Variants in PLA2R1 observed in about 807,000 individuals in gnomAD.
PLA2R1 encodes phospholipase A2 receptor 1, also known as secretory phospholipase A2 receptor.
A neutral mutation model predicts 195.9 loss-of-function variants in PLA2R1; 158 were observed. The ratio of observed to expected loss-of-function variants is 0.81; its 90% CI spans 0.71 to 0.92. The LOEUF (loss-of-function observed/expected upper bound fraction) is 0.92, where lower values mean the gene tolerates loss of function less well. Among genes scored for constraint, PLA2R1 ranks in the 40% least tolerant of loss-of-function variants. The pLI, the probability that PLA2R1 is intolerant of heterozygous loss-of-function variation, is 0.00. For missense variants in PLA2R1, 1,626 were observed against 1,764.6 expected (o/e 0.92, Z 1.41); for synonymous variants, 586 against 598.2 (o/e 0.98, Z 0.30).
chr2:160,025,548 T>C (rs1693449867), intron 6 of PLA2R1, among the ~76,000 whole-genome samples: 1 of 138,088 alleles, frequency 7.2e-6, no homozygotes, highest in Admixed American at 7.9e-5. Context: ...AACAGTCCAT[T>C]ATAACTATGT....
intron 2 of PLA2R1, among the ~76,000 whole-genome samples, chr2:160,042,660 A>C (rs370915065): frequency 6.6e-6 from 1 of 152,180 alleles, no homozygotes; most frequent in East Asian, 1.9e-4. Flanking sequence ...CAAACCAGCA[A>C]AAGTTCCTTT....
chr2:159,983,398 C>T lies in PLA2R1; in HGVS notation c.2183+530G>A, dbSNP rs78471412. Among the ~76,000 whole-genome samples, 1,433 of 151,380 alleles carry T rather than the reference C, an allele frequency of 9.5e-3. 12 individuals carry two copies. Among genetic ancestry groups the T allele is most frequent in the Non-Finnish European group, 0.014 (951 of 67,898 alleles). On this transcript the variant is annotated intron_variant, in intron 13 of 29. Transcript: ENST00000283243. ...ATACAGATAAGGGAAAGCTTGTTTC[C>T]TCAAATGAAAACTTAGGAGGTTGGG...
intron 18 of PLA2R1, among the ~76,000 whole-genome samples, chr2:159,969,732 A>G (rs1421982188): frequency 1.3e-5 from 2 of 151,976 alleles, no homozygotes; most frequent in African/African-American, 4.8e-5. Context: ...TAGTAGAGAG[A>G]GAGTTTCTCC....
Position 159,941,486 on chromosome 2 carries a change from T to G in PLA2R1, c.*292A>C, listed in dbSNP as rs1469444108. The G allele has an allele frequency of 4.6e-6, 1 of 219,052 alleles. No individual in the cohort carries two copies. Among genetic ancestry groups the G allele is most frequent in the African/African-American group, 2.3e-5 (1 of 43,556 alleles). 13.6% of individuals were successfully genotyped at this position (219,052 alleles called of 1,614,324 possible). On this transcript the variant is annotated 3_prime_UTR_variant, in exon 30 of 30. Coordinates refer to ENST00000283243, the MANE Select transcript of PLA2R1 (RefSeq NM_007366.5). ...TTAATGCAAAAACTATTATTCGCAT[T>G]GATTTCAGAGTTTTCAATAGGGAGT...
At chr2:159,949,813 G>A (rs148326629) in intron 24 of PLA2R1, 37 bp from the exon 25 acceptor site, 6 of 1,572,148 alleles carry the variant, frequency 3.8e-6, no homozygotes, top group East Asian at 4.5e-5. Flanking sequence ...TCCTTGCCAC[G>A]ACGGCTGGCA....
At chr2:159,998,300 T>C (rs1691362720) in intron 11 of PLA2R1, among the ~76,000 whole-genome samples, 1 of 152,166 alleles carries the variant, frequency 6.6e-6, no homozygotes, top group South Asian at 2.1e-4. Flanking sequence ...AACTATGTAA[T>C]ATTTCTTTTA....
chr2:160,042,028 G>A lies in PLA2R1; in HGVS notation c.664C>T (p.Pro222Ser). The A allele has an allele frequency of 6.2e-7, 1 of 1,611,686 alleles. No homozygotes were observed. The highest frequency in any genetic ancestry group is 8.5e-7 in the Non-Finnish European group (1 of 1,177,982). ...RDEKWGFCPD[P>S]TSAEVGCDTI... ...AGAAGACAAAATTTATTCTTACTGGGATCAGGGCAAAATCCCCACTTTTCA... is the reference window on the plus strand; with the variant it reads ...AGAAGACAAAATTTATTCTTACTGGAATCAGGGCAAAATCCCCACTTTTCA... Residue 222 changes from proline (P) to serine (S), a missense_variant, in exon 3 of 30, where the codon CCC (proline) becomes TCC (serine). Transcript: ENST00000283243.
At chr2:160,017,220 C>G (rs1558936381) in intron 8 of PLA2R1, among the ~76,000 whole-genome samples, 1 of 152,134 alleles carries the variant, frequency 6.6e-6, no homozygotes, top group Non-Finnish European at 1.5e-5. Context: ...GCTCCAGAAG[C>G]ACCTGGAGGG....
At chr2:159,963,766 C>T (rs1688601467) in intron 20 of PLA2R1, among the ~76,000 whole-genome samples, 1 of 152,166 alleles carries the variant, frequency 6.6e-6, no homozygotes, top group Admixed American at 6.5e-5. Context: ...AACCCTCACA[C>T]ACGGCTAGCA....
Position 160,013,667 on chromosome 2 carries a change from CTCTCTCTT to C in PLA2R1, c.1552-300_1552-293del, listed in dbSNP as rs1240481072. On this transcript the variant is annotated intron_variant, in intron 9 of 29. Transcript: ENST00000283243. Reference sequence around the variant, plus strand: ...AAGGGCATTCATTCAAGATCTCTACCTCTCTCTTTCTCTCTCTCTCTCTCTCTCTCTCT... The same window carrying C: ...AAGGGCATTCATTCAAGATCTCTACCTCTCTCTCTCTCTCTCTCTCTCTCT... 3.2e-4 allele frequency among the ~76,000 whole-genome samples: 26 copies of C among 81,328 alleles called. 2 individuals carry two copies. In the East Asian group the frequency reaches 4.0e-3, roughly 13 times the overall value. The allele number at this position is 81,328 out of a possible 152,430, so 53.4% of individuals were successfully genotyped here. A position where few individuals can be genotyped will look rare whatever the true frequency, so the allele number is the denominator to read the frequency against.
chr2:160,001,482 A>G (rs774988329), intron 11 of PLA2R1, among the ~76,000 whole-genome samples: 3 of 152,050 alleles, frequency 2.0e-5, no homozygotes, highest in Non-Finnish European at 4.4e-5. Flanking sequence ...CACAAAAAAT[A>G]TAAGTAAACC....
chr2:159,944,928 GC>G lies in PLA2R1; in HGVS notation c.4121del (p.Gly1374AlafsTer32). ...WQLSPCQEKK[G>X]FICKMEADIH... ...TACCTGCCTCCATTTTACATATAAAGCCTTTTTTTTCTTGACACGGGGATAG... is the reference window on the plus strand; with the variant it reads ...TACCTGCCTCCATTTTACATATAAAGCTTTTTTTTCTTGACACGGGGATAG... On this transcript the variant is annotated frameshift_variant, in exon 28 of 30. Transcript: ENST00000283243. LOFTEE classifies it high-confidence loss of function. 1 of 1,612,576 alleles carries G rather than the reference GC, an allele frequency of 6.2e-7. No individual in the cohort carries two copies. Among genetic ancestry groups the G allele is most frequent in the Non-Finnish European group, 8.5e-7 (1 of 1,178,968 alleles).
At position 159,936,346 on chromosome 2, in the gene PLA2R1, T is replaced by C. The variant is rs1460679429; in HGVS notation, c.*5432A>G. On this transcript the variant is annotated 3_prime_UTR_variant, in exon 30 of 30. Coordinates refer to ENST00000283243, the MANE Select transcript of PLA2R1 (RefSeq NM_007366.5). ...GTTGTCATTTCAATTATTGTTAGTATACAATTGATCAGAACAAAATAAATA... is the reference window on the plus strand; with the variant it reads ...GTTGTCATTTCAATTATTGTTAGTACACAATTGATCAGAACAAAATAAATA... 6.6e-6 allele frequency: 1 copy of C among 152,200 alleles called. No individual in the cohort carries two copies. Among genetic ancestry groups the C allele is most frequent in the Non-Finnish European group, 1.5e-5 (1 of 68,024 alleles). The allele number at this position is 152,200 out of a possible 1,614,324, so 9.4% of individuals were successfully genotyped here.
chr2:160,059,594 A>AC (rs1695817020), intron 1 of PLA2R1, among the ~76,000 whole-genome samples: 1 of 152,138 alleles, frequency 6.6e-6, no homozygotes, highest in African/African-American at 2.4e-5. Flanking sequence ...AAGCCCGAGA[A>AC]CTTAACTACT....
intron 27 of PLA2R1, chr2:159,945,998 T>A: frequency 1.0e-6 from 1 of 982,720 alleles, no homozygotes; most frequent in South Asian, 4.7e-5. Context: ...AACATCTTCA[T>A]CATTACAAAA....
chr2:160,062,381 A>G lies in PLA2R1; in HGVS notation c.23T>C (p.Leu8Pro). 6.5e-7 allele frequency: 1 copy of G among 1,540,304 alleles called. No homozygotes were observed. MLLSPSL[L>P]LLLLLGAPRG... is the part of the protein sequence containing the mutation. The stretch of plus-strand genomic sequence containing the variant: ...CGGCGCCCCCAGCAGCAGCAGCAGC[A>G]GCAGCGACGGCGACAGCAGCATCGC... The change falls in exon 1 of 30, where the codon CTG becomes CCG. Residue 8 changes from leucine (L) to proline (P), a missense_variant. Physicochemically the swap from Leu to Pro is moderately conservative, Grantham distance 98. Transcript: ENST00000283243.
At chr2:160,054,052 T>C (rs1471305534) in intron 1 of PLA2R1, among the ~76,000 whole-genome samples, 2 of 152,216 alleles carry the variant, frequency 1.3e-5, no homozygotes, top group African/African-American at 4.8e-5. Flanking sequence ...AAAAAGACCT[T>C]GGCAAACTAC....
chr2:159,984,934 C>T lies in PLA2R1; in HGVS notation c.2038-861G>A, dbSNP rs141590077. 1.7e-3 allele frequency among the ~76,000 whole-genome samples: 260 copies of T among 152,330 alleles called. 1 individual carries two copies. Among genetic ancestry groups the T allele is most frequent in the African/African-American group, 5.9e-3 (247 of 41,574 alleles). On this transcript the variant is annotated intron_variant, in intron 12 of 29. Transcript: ENST00000283243. ...ATAGCTTTCCAAGTCCTGTGGACCACAGCACAACCTTTCCATCTTTTAAAT... is the reference window on the plus strand; with the variant it reads ...ATAGCTTTCCAAGTCCTGTGGACCATAGCACAACCTTTCCATCTTTTAAAT...
intron 27 of PLA2R1, chr2:159,946,584 T>G: frequency 8.0e-7 from 1 of 1,247,890 alleles, no homozygotes; most frequent in Non-Finnish European, 1.0e-6. Flanking sequence ...CATGTTATTG[T>G]TTGTTTTTAT....
Sources: allele counts gnomAD v4.1 joint callset (sites outside exome capture counted in the v4.1 genomes callset), GRCh38; gene constraint gnomAD v4.1.1; transcripts MANE v1.5; gene names NCBI Gene and HGNC (gene_info 2026-07-23, HGNC 2026-07-21).